TEKT5: variants seen among roughly 807,000 people sequenced by gnomAD.
TEKT5 encodes tektin-5.
TEKT5 carries 52 observed loss-of-function variants against 48.7 expected under a neutral mutation model. That is an observed-to-expected ratio of 1.07 (90% CI 0.86 to 1.35). The LOEUF is 1.35. TEKT5 is among the 40% of genes most tolerant of loss of function. The pLI is 0.00. For synonymous variants in TEKT5, 318 were observed against 267.6 expected, an observed-to-expected ratio of 1.19 and a Z score of -1.84; for missense variants, 831 against 641.6, an observed-to-expected ratio of 1.30 and a Z score of -3.19.
At chr16:10,682,281 AC>A in intron 3 of TEKT5, 145 bp from the exon 4 acceptor site, 1 of 811,868 alleles carries the variant, frequency 1.2e-6, no homozygotes, top group Non-Finnish European at 1.9e-6. Flanking sequence ...TCCATGTCCC[AC>A]CACATACCCA....
chr16:10,671,592 A>C (rs2719697), intron 5 of TEKT5: 64,678 of 151,744 alleles, frequency 0.43, 15,508 homozygotes, highest in East Asian at 0.81. Context: ...TAGTCAAATT[A>C]TCAAAGACAG....
At chr16:10,628,263 A>G (rs1383878029) in intron 6 of TEKT5, among the ~76,000 whole-genome samples, 6 of 152,224 alleles carry the variant, frequency 3.9e-5, no homozygotes, top group South Asian at 2.1e-4. Context: ...GGGAAGGCAG[A>G]GGCAGAACAG....
chr16:10,647,439 C>G (rs1368401464), intron 5 of TEKT5, among the ~76,000 whole-genome samples: 2 of 151,064 alleles, frequency 1.3e-5, no homozygotes, highest in East Asian at 1.9e-4. Context: ...GCCACTGCAC[C>G]CCAGCCTGGG....
At chr16:10,650,740 C>T (rs1315871808) in intron 5 of TEKT5, among the ~76,000 whole-genome samples, 2 of 152,024 alleles carry the variant, frequency 1.3e-5, no homozygotes, top group African/African-American at 4.8e-5. Context: ...AAAAAATCAG[C>T]CAGGCGTGGT....
rs760457652 is a variant in TEKT5 at position 10,627,723 on chromosome 16, G to A, written c.1318C>T (p.Leu440=). The part of the protein sequence containing the change: ...KLRLRETQDT[L]QLLVMTKCRL... ...CACTTGGTCATGACCAGCAGCTGCAGCGTGTCCTGTGTCTCCCGCAGCCGC... is the reference window on the plus strand; with the variant it reads ...CACTTGGTCATGACCAGCAGCTGCAACGTGTCCTGTGTCTCCCGCAGCCGC... Residue 440 remains leucine, a synonymous_variant, in exon 7 of 7, where the codon CTG becomes TTG. Transcript: ENST00000283025. The A allele has an allele frequency of 1.4e-5, 23 of 1,614,072 alleles. No homozygotes were observed. The East Asian group carries it at 4.5e-4, about 31-fold the overall frequency.
intron 5 of TEKT5, among the ~76,000 whole-genome samples, chr16:10,657,983 G>T (rs1898291815): frequency 1.3e-5 from 2 of 152,008 alleles, no homozygotes; most frequent in South Asian, 4.2e-4. Context: ...GTGGTTTTCA[G>T]TATAGTTACA....
At chr16:10,628,629 G>C (rs561119589) in intron 6 of TEKT5, among the ~76,000 whole-genome samples, 1 of 152,320 alleles carries the variant, frequency 6.6e-6, no homozygotes, top group Non-Finnish European at 1.5e-5. Flanking sequence ...ATACAGCTGG[G>C]TATGGTGGCT....
chr16:10,690,120 C>G, intron 1 of TEKT5, 95 bp from the exon 2 acceptor site: 9 of 1,367,668 alleles, frequency 6.6e-6, no homozygotes, highest in Non-Finnish European at 9.1e-6. Context: ...CAATCTGTTC[C>G]TTTCTCCCGG....
rs17763025 is a variant in TEKT5, at chr16:10,690,872, A to G, written c.565-847T>C. On this transcript the variant is annotated intron_variant, in intron 1 of 6. Transcript: ENST00000283025. Reference sequence around the variant, plus strand: ...TCAAGGTCTGGATGTCAGGATGCAAATGTATGTGAGAACTCAGAAATGGGA... The same window carrying G: ...TCAAGGTCTGGATGTCAGGATGCAAGTGTATGTGAGAACTCAGAAATGGGA... 5,564 of 802,328 alleles carry G rather than the reference A, an allele frequency of 6.9e-3. 261 individuals are homozygous for G. In the East Asian group the frequency reaches 0.17, roughly 24 times the overall value. 49.7% of individuals were successfully genotyped at this position (802,328 alleles called of 1,614,324 possible). A position where few individuals can be genotyped will look rare whatever the true frequency, so the allele number is the denominator to read the frequency against.
intron 3 of TEKT5, among the ~76,000 whole-genome samples, chr16:10,684,588 G>A (rs1186616618): frequency 6.6e-6 from 1 of 152,076 alleles, no homozygotes; most frequent in Non-Finnish European, 1.5e-5. Flanking sequence ...TGGAGAAATG[G>A]GGCCCTGTCC....
At position 10,644,937 on chromosome 16, in the gene TEKT5, G is replaced by A. The variant is rs772472875; in HGVS notation, c.1087-9019C>T. On this transcript the variant is annotated intron_variant, in intron 5 of 6. Coordinates refer to ENST00000283025, the MANE Select transcript of TEKT5 (RefSeq NM_144674.2). ...AGAGGCGATTAGGTGATGAGGTGGA[G>A]CTCTCATGAATGGGATTAGTGCCTT... is the stretch of plus-strand genomic sequence containing the variant. Among the ~76,000 whole-genome samples the A allele has an allele frequency of 3.9e-5, 6 of 152,312 alleles. No homozygotes were observed. In the East Asian group the frequency reaches 5.8e-4, roughly 15 times the overall value.
intron 3 of TEKT5, among the ~76,000 whole-genome samples, chr16:10,688,968 C>T (rs1399945779): frequency 6.6e-6 from 1 of 152,176 alleles, no homozygotes; most frequent in Non-Finnish European, 1.5e-5. Flanking sequence ...GAGAAACCAG[C>T]GATGCACGGG....
chr16:10,679,023 A>G (rs949571674), intron 4 of TEKT5, among the ~76,000 whole-genome samples: 1 of 152,108 alleles, frequency 6.6e-6, no homozygotes, highest in Non-Finnish European at 1.5e-5. Flanking sequence ...CAGCTCTGCC[A>G]TTTGCTGTGT....
chr16:10,669,381 C>T (rs1420868821), intron 5 of TEKT5, among the ~76,000 whole-genome samples: 2 of 152,108 alleles, frequency 1.3e-5, no homozygotes, highest in Non-Finnish European at 2.9e-5. Context: ...ATCGCTTGAA[C>T]CTGGCAGGCG....
At chr16:10,645,098 G>A (rs1410667388) in intron 5 of TEKT5, among the ~76,000 whole-genome samples, 1 of 152,166 alleles carries the variant, frequency 6.6e-6, no homozygotes, top group African/African-American at 2.4e-5. Context: ...CCAGAACTGT[G>A]AGAAATAAAT....
At chr16:10,661,922 T>A (rs76994571) in intron 5 of TEKT5, among the ~76,000 whole-genome samples, 2,592 of 152,340 alleles carry the variant, frequency 0.017, 26 homozygotes, top group Non-Finnish European at 0.028. Flanking sequence ...TGTTCAGCAC[T>A]GTGGCCAGCA....
chr16:10,675,101 C>A lies in TEKT5; in HGVS notation c.1086+858G>T, dbSNP rs559077121. 5.9e-5 allele frequency among the ~76,000 whole-genome samples: 9 copies of A among 152,280 alleles called. 1 individual carries two copies. Among genetic ancestry groups the A allele is most frequent in the African/African-American group, 1.9e-4 (8 of 41,558 alleles). The stretch of plus-strand genomic sequence containing the variant: ...TCAGCCTCCCAAAGTGCTGGGATTA[C>A]AGGTGTGAGCCACTGTGCTTGGCCT... On this transcript the variant is annotated intron_variant, in intron 5 of 6. Coordinates refer to ENST00000283025, the MANE Select transcript of TEKT5 (RefSeq NM_144674.2).
chr16:10,686,760 G>T (rs1034557268), intron 3 of TEKT5, among the ~76,000 whole-genome samples: 6 of 152,134 alleles, frequency 3.9e-5, no homozygotes, highest in African/African-American at 2.4e-5. Context: ...TCAATAGCAA[G>T]AAAACAACCC....
At chr16:10,658,390 T>C (rs932396065) in intron 5 of TEKT5, among the ~76,000 whole-genome samples, 8 of 152,188 alleles carry the variant, frequency 5.3e-5, no homozygotes, top group Admixed American at 3.3e-4. Flanking sequence ...AGCCCCACAA[T>C]AGACCACTAT....
Sources: gnomAD v4.1 joint callset for allele counts (sites outside exome capture counted in the v4.1 genomes callset) on GRCh38, gnomAD v4.1.1 for gene constraint, MANE v1.5 for transcripts, NCBI Gene and HGNC (gene_info 2026-07-23, HGNC 2026-07-21) for gene names.